CSMD1: variants seen among roughly 807,000 people sequenced by gnomAD.
CSMD1 encodes the protein CUB and Sushi multiple domains 1.
Under a neutral mutation model 417.5 loss-of-function variants are expected in CSMD1, and 213 were observed. That is an observed-to-expected ratio of 0.51 (90% CI 0.46 to 0.57). The LOEUF is 0.57. Among genes scored for constraint, CSMD1 ranks in the 20% least tolerant of loss-of-function variants. The pLI is 0.00. For missense variants in CSMD1, 6,923 were observed against 4,529.7 expected, an observed-to-expected ratio of 1.53 and a Z score of -15.17; for synonymous variants, 2,862 against 1,736.8, an observed-to-expected ratio of 1.65 and a Z score of -16.11.
intron 3 of CSMD1, among the ~76,000 whole-genome samples, chr8:4,161,665 C>T (rs1244222591): frequency 2.0e-5 from 3 of 152,056 alleles, no homozygotes; most frequent in African/African-American, 4.8e-5. Flanking sequence ...CAACAACAGC[C>T]ATAAAAATTA....
chr8:4,596,230 A>G (rs956227967), intron 2 of CSMD1, among the ~76,000 whole-genome samples: 1 of 152,216 alleles, frequency 6.6e-6, no homozygotes, highest in Non-Finnish European at 1.5e-5. Context: ...TAGGTTAAAA[A>G]AAATCATAGG....
intron 1 of CSMD1, among the ~76,000 whole-genome samples, chr8:4,943,360 G>A (rs1179900652): frequency 1.3e-5 from 2 of 151,974 alleles, no homozygotes; most frequent in East Asian, 1.9e-4. Context: ...GCCGGGCGTG[G>A]TGGTGGACGC....
chr8:3,917,719 C>G (rs1175962268), intron 5 of CSMD1, among the ~76,000 whole-genome samples: 2 of 152,024 alleles, frequency 1.3e-5, no homozygotes, highest in African/African-American at 4.8e-5. Context: ...CGTATATATC[C>G]AAGAAACCGT....
At chr8:4,611,328 A>T (rs1245722318) in intron 2 of CSMD1, among the ~76,000 whole-genome samples, 1 of 152,162 alleles carries the variant, frequency 6.6e-6, no homozygotes, top group Non-Finnish European at 1.5e-5. Context: ...CTCTTTGAAG[A>T]CTACACAAAG....
chr8:4,428,566 C>A (rs28719543), intron 2 of CSMD1, among the ~76,000 whole-genome samples: 1 of 151,988 alleles, frequency 6.6e-6, no homozygotes, highest in South Asian at 2.1e-4. Context: ...CTACAATAAA[C>A]TTGCAACTTA....
intron 25 of CSMD1, among the ~76,000 whole-genome samples, chr8:3,286,418 G>C (rs1031310799): frequency 1.1e-4 from 16 of 152,002 alleles, no homozygotes; most frequent in African/African-American, 2.4e-4. Flanking sequence ...TTCCACAATG[G>C]TTGAACTAGT....
chr8:3,672,952 T>C (rs1299216150), intron 7 of CSMD1, among the ~76,000 whole-genome samples: 1 of 152,206 alleles, frequency 6.6e-6, no homozygotes, highest in South Asian at 2.1e-4. Context: ...ATCAATAACT[T>C]ATCTCGTTAT....
At chr8:4,647,444 G>A (rs969327077) in intron 1 of CSMD1, among the ~76,000 whole-genome samples, 4 of 149,636 alleles carry the variant, frequency 2.7e-5, no homozygotes, top group Non-Finnish European at 4.4e-5. Context: ...ACGTAGGTAT[G>A]CGTGTGCCAC....
intron 3 of CSMD1, among the ~76,000 whole-genome samples, chr8:4,328,043 T>G (rs1368426330): frequency 2.0e-5 from 3 of 152,148 alleles, no homozygotes; most frequent in Non-Finnish European, 1.5e-5. Flanking sequence ...CAGTTATTGG[T>G]GATCCAAGTA....
At chr8:4,830,299 C>G (rs1339294579) in intron 1 of CSMD1, among the ~76,000 whole-genome samples, 3 of 152,194 alleles carry the variant, frequency 2.0e-5, no homozygotes, top group African/African-American at 7.2e-5. Context: ...GTTTCTATTT[C>G]CTTTCTTTTT....
At chr8:4,310,782 C>G (rs1221060816) in intron 3 of CSMD1, among the ~76,000 whole-genome samples, 1 of 152,104 alleles carries the variant, frequency 6.6e-6, no homozygotes, top group Non-Finnish European at 1.5e-5. Flanking sequence ...TACAGCCTTA[C>G]CAAAGGAAGA....
intron 3 of CSMD1, among the ~76,000 whole-genome samples, chr8:4,384,029 A>C (rs572947679): frequency 2.1e-5 from 3 of 143,602 alleles, no homozygotes; most frequent in African/African-American, 7.9e-5. Flanking sequence ...CCCGCCTCAT[A>C]ACAGATGTTT....
chr8:4,331,095 A>G (rs1444367125), intron 3 of CSMD1, among the ~76,000 whole-genome samples: 1 of 152,206 alleles, frequency 6.6e-6, no homozygotes, highest in African/African-American at 2.4e-5. Context: ...ATGCAACTAC[A>G]TATAATAGCA....
rs567037553 is a variant in CSMD1 at position 4,888,180 on chromosome 8, C to T, written c.85+106152G>A. Among the ~76,000 whole-genome samples the T allele has an allele frequency of 9.2e-5, 14 of 151,524 alleles. No individual in the cohort carries two copies. In the East Asian group the frequency reaches 2.7e-3, roughly 29 times the overall value. ...GAATAAATTGATACATTGGTACATCCATATTGTATTCATGAAGTATAATAA... is the reference window on the plus strand; with the variant it reads ...GAATAAATTGATACATTGGTACATCTATATTGTATTCATGAAGTATAATAA... On this transcript the variant is annotated intron_variant, in intron 1 of 69. Coordinates refer to ENST00000635120, the MANE Select transcript of CSMD1 (RefSeq NM_033225.6).
At chr8:3,490,895 T>A (rs1429477238) in intron 11 of CSMD1, among the ~76,000 whole-genome samples, 1 of 152,102 alleles carries the variant, frequency 6.6e-6, no homozygotes, top group Non-Finnish European at 1.5e-5. Flanking sequence ...ACCTAGTAAT[T>A]TGTCAACAAA....
At chr8:4,373,028 G>A (rs1802492278) in intron 3 of CSMD1, among the ~76,000 whole-genome samples, 3 of 152,146 alleles carry the variant, frequency 2.0e-5, no homozygotes, top group African/African-American at 7.2e-5. Context: ...GTGATGATTC[G>A]GGCTCACAGT....
At chr8:4,106,859 C>T (rs189214119) in intron 3 of CSMD1, among the ~76,000 whole-genome samples, 1 of 152,066 alleles carries the variant, frequency 6.6e-6, no homozygotes, top group Non-Finnish European at 1.5e-5. Flanking sequence ...GAAAAACTGC[C>T]CCGCATTTCT....
chr8:4,272,028 G>A (rs879071992), intron 3 of CSMD1, among the ~76,000 whole-genome samples: 1 of 151,920 alleles, frequency 6.6e-6, no homozygotes, highest in African/African-American at 2.4e-5. Flanking sequence ...TCCATGTTTG[G>A]TTGAAAAAAA....
In CSMD1 at chr8:3,406,230, A is replaced by T. The variant is rs1199298069; in HGVS notation, c.2072-9T>A. The T allele has an allele frequency of 3.2e-6, 5 of 1,572,008 alleles. No individual in the cohort carries two copies. The highest frequency in any genetic ancestry group is 1.2e-5 in the South Asian group (1 of 84,752). On this transcript the variant is annotated splice_polypyrimidine_tract_variant and intron_variant, in intron 14 of 69. Transcript: ENST00000635120. ...CTCATTCTGACCAAATGCTGAAAGA[A>T]AAAGAAGAAGAAAAAAGGAATAAAA...
Sources: allele counts gnomAD v4.1 joint callset (sites outside exome capture counted in the v4.1 genomes callset), GRCh38; gene constraint gnomAD v4.1.1; transcripts MANE v1.5; gene names NCBI Gene and HGNC (gene_info 2026-07-23, HGNC 2026-07-21).